CD84: variants seen among roughly 807,000 people sequenced by gnomAD.
CD84 encodes the protein CD84 molecule.
In CD84, 22 loss-of-function variants were observed where a neutral mutation model predicts 33.8. The ratio of observed to expected loss-of-function variants is 0.65; its 90% CI spans 0.46 to 0.93. The LOEUF is 0.93. Among genes scored for constraint, CD84 ranks in the 40% least tolerant of loss-of-function variants. The probability of loss-of-function intolerance (pLI) is 0.00; values close to 1 mark genes in which losing one functional copy is unlikely to be tolerated. For synonymous variants in CD84, 154 were observed against 145.2 expected (o/e 1.06, Z -0.44); for missense variants, 400 against 397.6 (o/e 1.01, Z -0.05).
rs1655895165 is a variant in CD84 at position 160,547,473 on chromosome 1, C to T, written c.*783G>A. 1 of 323,254 alleles carries T rather than the reference C, an allele frequency of 3.1e-6. No individual in the cohort carries two copies. The allele number at this position is 323,254 out of a possible 1,614,324, so 20.0% of individuals were successfully genotyped here. On this transcript the variant is annotated 3_prime_UTR_variant, in exon 7 of 7. Coordinates refer to ENST00000368054, the MANE Select transcript of CD84 (RefSeq NM_003874.4). ...AAGTAGCACTCCAAGAAAAGTGTCC[C>T]AGCAGTCTCTAGACCCTGCAGAAAG...
chr1:160,565,651 C>T lies in CD84; in HGVS notation c.141G>A (p.Arg47=), dbSNP rs772393991. Residue 47 remains arginine, a synonymous_variant, in exon 2 of 7, where the codon CGG becomes CGA. Coordinates refer to ENST00000368054, the MANE Select transcript of CD84 (RefSeq NM_003874.4). ...AAGTCCAAGCAATGATTTTAACTTGCCGTGGTTCTTGGATATTTACAGGGA... is the reference window on the plus strand; with the variant it reads ...AAGTCCAAGCAATGATTTTAACTTGTCGTGGTTCTTGGATATTTACAGGGA... ...VTFPVNIQEP[R]QVKIIAWTSK... The T allele has an allele frequency of 6.2e-7, 1 of 1,613,924 alleles. No homozygotes were observed. The highest frequency in any genetic ancestry group is 8.5e-7 in the Non-Finnish European group (1 of 1,179,878).
chr1:160,570,060 T>C (rs936275907), intron 1 of CD84, among the ~76,000 whole-genome samples: 7 of 152,144 alleles, frequency 4.6e-5, no homozygotes, highest in Non-Finnish European at 1.0e-4. Context: ...TACTGTAGTC[T>C]TCTGGGCATG....
In CD84 at chr1:160,548,114, G is replaced by A; in HGVS notation, c.*142C>T. The stretch of plus-strand genomic sequence containing the variant: ...AGGCACAAGCTATGCCCAGCAGAAG[G>A]TTTCCTGCTTTGCTTACAGGCTGAG... On this transcript the variant is annotated 3_prime_UTR_variant, in exon 7 of 7. Transcript: ENST00000368054. The A allele has an allele frequency of 1.2e-6, 1 of 810,902 alleles. No homozygotes were observed. Among genetic ancestry groups the A allele is most frequent in the Non-Finnish European group, 2.0e-6 (1 of 489,894 alleles). The allele number at this position is 810,902 out of a possible 1,614,324, so 50.2% of individuals were successfully genotyped here.
chr1:160,547,096 G>A lies in CD84; in HGVS notation c.*1160C>T, dbSNP rs1201441320. On this transcript the variant is annotated 3_prime_UTR_variant, in exon 7 of 7. Transcript: ENST00000368054. Reference sequence around the variant, plus strand: ...GAATGATTCTTCCTCATTGAGGAGAGTTAATGCCTGTGTAAGCTGGCTGGT... The same window carrying A: ...GAATGATTCTTCCTCATTGAGGAGAATTAATGCCTGTGTAAGCTGGCTGGT... 2.5e-6 allele frequency: 1 copy of A among 398,808 alleles called. No homozygotes were observed. Among genetic ancestry groups the A allele is most frequent in the Non-Finnish European group, 4.4e-6 (1 of 226,084 alleles). 24.7% of individuals were successfully genotyped at this position (398,808 alleles called of 1,614,324 possible). A position where few individuals can be genotyped will look rare whatever the true frequency, so the allele number is the denominator to read the frequency against.
intron 2 of CD84, 151 bp from the exon 3 acceptor site, chr1:160,554,297 A>G: frequency 1.1e-6 from 1 of 915,162 alleles, no homozygotes; most frequent in Non-Finnish European, 1.5e-6. Flanking sequence ...AAAAATAAAG[A>G]TAATAAATCC....
Position 160,574,949 on chromosome 1 carries a change from C to A in CD84, c.46+4443G>T, listed in dbSNP as rs566242373. 2.0e-5 allele frequency among the ~76,000 whole-genome samples: 3 copies of A among 152,160 alleles called. No individual in the cohort carries two copies. In the East Asian group the frequency reaches 5.8e-4, roughly 29 times the overall value. On this transcript the variant is annotated intron_variant, in intron 1 of 6. Transcript: ENST00000368054. Reference sequence around the variant, plus strand: ...CATCTTCAAAGAGACTAAAATAACACCTCAGACAACTACGAAGGGAAAAAT... The same window carrying A: ...CATCTTCAAAGAGACTAAAATAACAACTCAGACAACTACGAAGGGAAAAAT...
In CD84 at chr1:160,565,581, C is replaced by T. The variant is rs937026468; in HGVS notation, c.211G>A (p.Ala71Thr). ...AYVTPGDSET[A>T]PVVTVTHRNY... is the part of the protein sequence containing the mutation. Reference sequence around the variant, plus strand: ...CTGTGGGTCACAGTAACTACGGGTGCTGTTTCTGAGTCTCCTGGTGTTACA... The same window carrying T: ...CTGTGGGTCACAGTAACTACGGGTGTTGTTTCTGAGTCTCCTGGTGTTACA... The change falls in exon 2 of 7, where the codon GCA becomes ACA. Residue 71 changes from alanine (A) to threonine (T), a missense_variant. Coordinates refer to ENST00000368054, the MANE Select transcript of CD84 (RefSeq NM_003874.4). The T allele has an allele frequency of 1.2e-6, 2 of 1,613,986 alleles. No individual in the cohort carries two copies. Among genetic ancestry groups the T allele is most frequent in the Admixed American group, 3.3e-5 (2 of 59,992 alleles).
chr1:160,569,213 A>C (rs1335161947), intron 1 of CD84, among the ~76,000 whole-genome samples: 1 of 152,186 alleles, frequency 6.6e-6, no homozygotes, highest in Non-Finnish European at 1.5e-5. Flanking sequence ...GGCTAATTCA[A>C]GTAAAGCCTG....
chr1:160,556,579 C>T (rs1414451195), intron 2 of CD84, among the ~76,000 whole-genome samples: 6 of 152,240 alleles, frequency 3.9e-5, no homozygotes, highest in African/African-American at 1.4e-4. Context: ...AGAGTTACAT[C>T]TCATTGTATT....
At chr1:160,556,848 T>C (rs920337590) in intron 2 of CD84, among the ~76,000 whole-genome samples, 2 of 152,300 alleles carry the variant, frequency 1.3e-5, no homozygotes, top group South Asian at 4.1e-4. Flanking sequence ...ATTAAACATA[T>C]AAAGGGTTAA....
At chr1:160,570,084 T>A (rs1384939271) in intron 1 of CD84, among the ~76,000 whole-genome samples, 1 of 152,078 alleles carries the variant, frequency 6.6e-6, no homozygotes, top group African/African-American at 2.4e-5. Context: ...CAGGGGACGA[T>A]AATGGGAATG....
intron 2 of CD84, 133 bp from the exon 3 acceptor site, chr1:160,554,279 A>G (rs894626321): frequency 3.1e-6 from 3 of 963,474 alleles, no homozygotes; most frequent in Non-Finnish European, 4.2e-6. Flanking sequence ...AATTAAATAA[A>G]TTATGTTAAA....
chr1:160,575,494 A>AACATACACACACAC (rs1657943357), intron 1 of CD84, among the ~76,000 whole-genome samples: 1 of 146,706 alleles, frequency 6.8e-6, no homozygotes, highest in African/African-American at 2.5e-5. Flanking sequence ...GTTCCTTCAA[A>AACATACACACACAC]ACACACACAC....
chr1:160,570,334 A>G (rs1373159142), intron 1 of CD84, among the ~76,000 whole-genome samples: 1 of 152,182 alleles, frequency 6.6e-6, no homozygotes, highest in Non-Finnish European at 1.5e-5. Flanking sequence ...ATAAGGAGAG[A>G]GAATGGACTT....
At chr1:160,568,886 G>A (rs549665488) in intron 1 of CD84, among the ~76,000 whole-genome samples, 6 of 152,310 alleles carry the variant, frequency 3.9e-5, no homozygotes, top group Admixed American at 2.0e-4. Context: ...CTCCCAAAAT[G>A]CTGGGATTAC....
intron 4 of CD84, chr1:160,551,506 T>G (rs1220453468): frequency 6.0e-6 from 1 of 167,108 alleles, no homozygotes; most frequent in African/African-American, 2.4e-5. Context: ...AGATGTTTCA[T>G]GAACATTTAT....
chr1:160,552,800 G>A, intron 4 of CD84: 3 of 1,280,854 alleles, frequency 2.3e-6, no homozygotes, highest in South Asian at 2.5e-5. Context: ...GTTTTTTATT[G>A]TGATTGGTGG....
chr1:160,575,503 AC>A, intron 1 of CD84, among the ~76,000 whole-genome samples: 1 of 151,620 alleles, frequency 6.6e-6, no homozygotes, highest in African/African-American at 2.4e-5. Context: ...AAACACACAC[AC>A]ACACACACAC....
At chr1:160,558,214 C>T (rs551021287) in intron 2 of CD84, among the ~76,000 whole-genome samples, 1 of 152,322 alleles carries the variant, frequency 6.6e-6, no homozygotes, top group East Asian at 1.9e-4. Context: ...CTAGCCACCT[C>T]CTACAGGTGT....
Sources: gnomAD v4.1 joint callset for allele counts (sites outside exome capture counted in the v4.1 genomes callset) on GRCh38, gnomAD v4.1.1 for gene constraint, MANE v1.5 for transcripts, NCBI Gene and HGNC (gene_info 2026-07-23, HGNC 2026-07-21) for gene names.